Variants in LRP1B observed in about 807,000 individuals in gnomAD.
LRP1B encodes low-density lipoprotein receptor-related protein 1B.
LRP1B carries 217 observed loss-of-function variants against 556.6 expected under a neutral mutation model. The ratio of observed to expected loss-of-function variants is 0.39; its 90% CI spans 0.35 to 0.44. The LOEUF (loss-of-function observed/expected upper bound fraction) is 0.44. Among genes scored for constraint, LRP1B ranks in the 20% least tolerant of loss-of-function variants. The pLI, the probability that LRP1B is intolerant of heterozygous loss-of-function variation, is 1.00. For synonymous variants in LRP1B, 2,047 were observed against 1,865.8 expected, an observed-to-expected ratio of 1.10 and a Z score of -2.50; for missense variants, 5,053 against 5,620.8, an observed-to-expected ratio of 0.90 and a Z score of 3.23.
At chr2:140,437,209 G>C (rs954744010) in intron 66 of LRP1B, among the ~76,000 whole-genome samples, 2 of 152,142 alleles carry the variant, frequency 1.3e-5, no homozygotes, top group African/African-American at 4.8e-5. Flanking sequence ...CCCCATTAGA[G>C]ACGAATGAGG....
intron 2 of LRP1B, among the ~76,000 whole-genome samples, chr2:141,741,726 C>T (rs1174118253): frequency 6.6e-6 from 1 of 152,118 alleles, no homozygotes; most frequent in Non-Finnish European, 1.5e-5. Flanking sequence ...CCAATAATTT[C>T]TCCCATTCTG....
At chr2:141,542,773 C>T (rs1158067584) in intron 2 of LRP1B, among the ~76,000 whole-genome samples, 2 of 152,090 alleles carry the variant, frequency 1.3e-5, no homozygotes, top group African/African-American at 4.8e-5. Flanking sequence ...GTGTGGATGA[C>T]CTTTTTTTCT....
At chr2:140,643,481 T>G (rs1559027029) in intron 41 of LRP1B, among the ~76,000 whole-genome samples, 3 of 152,200 alleles carry the variant, frequency 2.0e-5, no homozygotes, top group Non-Finnish European at 4.4e-5. Flanking sequence ...GAGTAACATT[T>G]AAATGACAGA....
intron 2 of LRP1B, among the ~76,000 whole-genome samples, chr2:141,501,776 A>G (rs576062860): frequency 6.6e-6 from 1 of 152,302 alleles, no homozygotes; most frequent in South Asian, 2.1e-4. Flanking sequence ...CAATTTTTGG[A>G]AAAATTTGGC....
At chr2:141,117,285 T>C (rs1035304625) in intron 7 of LRP1B, among the ~76,000 whole-genome samples, 33 of 151,704 alleles carry the variant, frequency 2.2e-4, no homozygotes, top group African/African-American at 7.7e-4. Context: ...TTAAGTGTGG[T>C]TGAGTTTAAA....
At chr2:140,302,251 C>T (rs1264114906) in intron 83 of LRP1B, among the ~76,000 whole-genome samples, 2 of 152,064 alleles carry the variant, frequency 1.3e-5, no homozygotes, top group Admixed American at 6.6e-5. Flanking sequence ...GCCTCTGTCC[C>T]AATTTTCTGA....
intron 1 of LRP1B, among the ~76,000 whole-genome samples, chr2:142,001,790 T>G (rs186411394): frequency 2.6e-5 from 4 of 152,306 alleles, no homozygotes; most frequent in African/African-American, 9.6e-5. Context: ...ATGAAAAGTA[T>G]GTAAATGCAT....
At chr2:140,764,394 G>C (rs776214021) in intron 35 of LRP1B, among the ~76,000 whole-genome samples, 1 of 152,062 alleles carries the variant, frequency 6.6e-6, no homozygotes, top group African/African-American at 2.4e-5. Flanking sequence ...ACTGGGAGTA[G>C]GATACTCCAT....
chr2:142,026,165 G>T lies in LRP1B; in HGVS notation c.82+104483C>A, dbSNP rs530868376. ...GCTTTTTGGAAACTGTCAAGGCACT[G>T]CCACCTTTAAAACATGGCAACAGCT... On this transcript the variant is annotated intron_variant, in intron 1 of 90. Coordinates refer to ENST00000389484, the MANE Select transcript of LRP1B (RefSeq NM_018557.3). Among the ~76,000 whole-genome samples, 3 of 152,226 alleles carry T rather than the reference G, an allele frequency of 2.0e-5. No individual in the cohort carries two copies. The East Asian group carries it at 5.8e-4, about 29-fold the overall frequency.
At chr2:140,782,208 T>C (rs1453271082) in intron 32 of LRP1B, among the ~76,000 whole-genome samples, 1 of 152,208 alleles carries the variant, frequency 6.6e-6, no homozygotes, top group East Asian at 1.9e-4. Flanking sequence ...GGAGTAAATC[T>C]ACTTCATGGT....
chr2:140,280,220 A>G (rs12991251), intron 84 of LRP1B, among the ~76,000 whole-genome samples: 43,746 of 151,666 alleles, frequency 0.29, 7,736 homozygotes, highest in Non-Finnish European at 0.4. Flanking sequence ...ACAAATTTGT[A>G]TGTGAAATTT....
chr2:142,016,697 T>C (rs1424557849), intron 1 of LRP1B, among the ~76,000 whole-genome samples: 1 of 151,694 alleles, frequency 6.6e-6, no homozygotes, highest in African/African-American at 2.4e-5. Flanking sequence ...GGCTAGGGGA[T>C]GGATAGCATT....
chr2:141,470,696 A>T (rs1682428211), intron 3 of LRP1B, among the ~76,000 whole-genome samples: 1 of 152,182 alleles, frequency 6.6e-6, no homozygotes, highest in Non-Finnish European at 1.5e-5. Flanking sequence ...CTTGCTTTTT[A>T]AATATCAAGC....
chr2:140,951,798 G>A (rs2105302490), intron 19 of LRP1B, 62 bp downstream of exon 19: 2 of 1,307,850 alleles, frequency 1.5e-6, no homozygotes, highest in Non-Finnish European at 2.2e-6. Flanking sequence ...AGAAAGCCAG[G>A]CAGTCCAGAC....
At chr2:140,308,542 G>T (rs777394841) in intron 83 of LRP1B, among the ~76,000 whole-genome samples, 2 of 151,734 alleles carry the variant, frequency 1.3e-5, no homozygotes, top group African/African-American at 4.8e-5. Context: ...GAACCATGAC[G>T]CTTACCCCCA....
At chr2:140,700,148 TCTAGGAAAATGTAATTG>T in intron 41 of LRP1B, 85 bp downstream of exon 41, 1 of 1,059,904 alleles carries the variant, frequency 9.4e-7, no homozygotes, top group Non-Finnish European at 1.4e-6. Flanking sequence ...GAATATAAAA[TCTAGGAAAATGTAATTG>T]CTACATGCAA....
At chr2:141,848,858 A>G in intron 1 of LRP1B, among the ~76,000 whole-genome samples, 1 of 151,522 alleles carries the variant, frequency 6.6e-6, no homozygotes, top group Non-Finnish European at 1.5e-5. Flanking sequence ...ATGAAATTAC[A>G]AGGACAGAGT....
chr2:140,950,771 C>T (rs1029423551), intron 19 of LRP1B, among the ~76,000 whole-genome samples: 6 of 152,052 alleles, frequency 3.9e-5, no homozygotes, highest in South Asian at 2.1e-4. Context: ...GGGTTATAGA[C>T]GTGAGCCACT....
chr2:141,334,043 G>T (rs1456405706), intron 3 of LRP1B, among the ~76,000 whole-genome samples: 1 of 152,120 alleles, frequency 6.6e-6, no homozygotes, highest in African/African-American at 2.4e-5. Flanking sequence ...AGAAAAGTTT[G>T]CTGCTAAAAT....
Sources: gnomAD v4.1 joint callset for allele counts (sites outside exome capture counted in the v4.1 genomes callset) on GRCh38, gnomAD v4.1.1 for gene constraint, MANE v1.5 for transcripts, NCBI Gene and HGNC (gene_info 2026-07-23, HGNC 2026-07-21) for gene names.